OR51B5: variants seen among roughly 807,000 people sequenced by gnomAD.
The protein encoded by OR51B5 is olfactory receptor family 51 subfamily B member 5, also known as olfactory receptor 51B5.
For missense variants in OR51B5, 456 were observed against 374.6 expected (o/e 1.22, Z -1.79); for synonymous variants, 186 against 144.8 (o/e 1.28, Z -2.04).
intron 1 of OR51B5, chr11:5,390,166 T>TG (rs1564797365): frequency 4.8e-5 from 77 of 1,613,806 alleles, no homozygotes; most frequent in Non-Finnish European, 6.4e-5. Context: ...GCACCGCTCC[T>TG]CTCTGTGCTG....
At chr11:5,410,960 T>A (rs1192368237) in intron 1 of OR51B5, among the ~76,000 whole-genome samples, 1 of 151,984 alleles carries the variant, frequency 6.6e-6, no homozygotes, top group East Asian at 1.9e-4. Flanking sequence ...TACAAAACAG[T>A]CAAAAAGTTA....
At chr11:5,409,397 T>A (rs1850108768) in intron 1 of OR51B5, among the ~76,000 whole-genome samples, 1 of 152,072 alleles carries the variant, frequency 6.6e-6, no homozygotes. Flanking sequence ...GTAAATCCAA[T>A]TAGTATTTTT....
chr11:5,470,686 G>A (rs144610890), intron 1 of OR51B5, among the ~76,000 whole-genome samples: 2,771 of 152,126 alleles, frequency 0.018, 48 homozygotes, highest in Admixed American at 0.024. Context: ...ATCTATTCAC[G>A]TGGTCATGCC....
intron 1 of OR51B5, among the ~76,000 whole-genome samples, chr11:5,373,331 A>G (rs181430947): frequency 1.3e-5 from 2 of 152,192 alleles, no homozygotes; most frequent in East Asian, 1.9e-4. Context: ...TTTCACAAAT[A>G]AAGTTCCAGT....
chr11:5,493,774 C>G (rs371945223), intron 1 of OR51B5, among the ~76,000 whole-genome samples: 1 of 152,104 alleles, frequency 6.6e-6, no homozygotes, highest in East Asian at 1.9e-4. Flanking sequence ...CTACCATATA[C>G]TTAACTTTTC....
At chr11:5,501,592 C>A (rs565394861) in intron 1 of OR51B5, among the ~76,000 whole-genome samples, 2 of 147,628 alleles carry the variant, frequency 1.4e-5, no homozygotes, top group South Asian at 4.3e-4. Flanking sequence ...ACACACCAAG[C>A]GCCCAACTTA....
At chr11:5,341,147 G>A (rs1044661253), downstream of OR51B5, 1 of 152,174 alleles carries the variant, frequency 6.6e-6, no homozygotes, top group East Asian at 1.9e-4. Flanking sequence ...ACCTGAGATA[G>A]GGATTCAAAT....
At chr11:5,389,651 C>T (rs767276053) in intron 1 of OR51B5, 4 of 1,613,638 alleles carry the variant, frequency 2.5e-6, no homozygotes, top group Admixed American at 1.7e-5. Context: ...TGACCTGGGG[C>T]TGTGTGTGTC....
At chr11:5,445,809 G>A (rs1338619279) in intron 1 of OR51B5, among the ~76,000 whole-genome samples, 1 of 151,744 alleles carries the variant, frequency 6.6e-6, no homozygotes, top group Non-Finnish European at 1.5e-5. Context: ...AACTATTTAT[G>A]GAGAAGTGTG....
chr11:5,400,760 G>C (rs1300673606), intron 1 of OR51B5, among the ~76,000 whole-genome samples: 2 of 152,196 alleles, frequency 1.3e-5, no homozygotes, highest in South Asian at 2.1e-4. Context: ...GTAGGTCTAG[G>C]ACTCTGTGTT....
intron 1 of OR51B5, among the ~76,000 whole-genome samples, chr11:5,473,418 C>A (rs190458821): frequency 6.6e-6 from 1 of 152,214 alleles, no homozygotes; most frequent in Admixed American, 6.5e-5. Context: ...CTGATATGCA[C>A]AGACAAATTA....
At chr11:5,494,910 G>A (rs1008991117) in intron 1 of OR51B5, among the ~76,000 whole-genome samples, 1 of 152,160 alleles carries the variant, frequency 6.6e-6, no homozygotes, top group Non-Finnish European at 1.5e-5. Context: ...GCTGACCAAA[G>A]GTTCAGGGAC....
At chr11:5,408,811 T>G (rs1201526797) in intron 1 of OR51B5, among the ~76,000 whole-genome samples, 1 of 152,190 alleles carries the variant, frequency 6.6e-6, no homozygotes, top group African/African-American at 2.4e-5. Flanking sequence ...ACAAGATTTA[T>G]GAAGTTATCA....
intron 1 of OR51B5, among the ~76,000 whole-genome samples, chr11:5,484,179 C>T (rs1203842216): frequency 6.6e-6 from 1 of 152,198 alleles, no homozygotes; most frequent in South Asian, 2.1e-4. Flanking sequence ...AGTCAATGAA[C>T]TCACAGCTAA....
intron 1 of OR51B5, among the ~76,000 whole-genome samples, chr11:5,386,952 C>T (rs1017553071): frequency 3.3e-5 from 5 of 151,892 alleles, no homozygotes; most frequent in Admixed American, 6.6e-5. Flanking sequence ...CAATATTAGA[C>T]GTGTTGAGTT....
chr11:5,401,072 T>G (rs1296618574), intron 1 of OR51B5, among the ~76,000 whole-genome samples: 1 of 152,176 alleles, frequency 6.6e-6, no homozygotes, highest in Non-Finnish European at 1.5e-5. Flanking sequence ...GATTCTAATG[T>G]TATAACTGCT....
intron 1 of OR51B5, among the ~76,000 whole-genome samples, chr11:5,401,124 A>G (rs561039705): frequency 5.0e-4 from 76 of 152,312 alleles, no homozygotes; most frequent in African/African-American, 1.7e-3. Flanking sequence ...CAATCCAGGC[A>G]GGTGGTTTTC....
rs1045265763 is a variant in OR51B5 at position 5,499,232 on chromosome 11, C to G, written n.84+6337G>C. Among the ~76,000 whole-genome samples the G allele has an allele frequency of 1.5e-4, 19 of 129,004 alleles. No homozygotes were observed. The Admixed American group carries it at 1.5e-3, about 10-fold the overall frequency. The allele number at this position is 129,004 out of a possible 152,430, so 84.6% of individuals were successfully genotyped here. On this transcript the variant is annotated intron_variant and non_coding_transcript_variant, in intron 1 of 4. Transcript: ENST00000415970. ...GTTTTAATGTGGAGATATGATAGTACAGCCATTCAAAATAGCATTTAAATT... is the reference window on the plus strand; with the variant it reads ...GTTTTAATGTGGAGATATGATAGTAGAGCCATTCAAAATAGCATTTAAATT...
chr11:5,489,162 A>T, intron 1 of OR51B5: 2 of 1,613,862 alleles, frequency 1.2e-6, no homozygotes, highest in Non-Finnish European at 1.7e-6. Context: ...TTGTTGGGCT[A>T]TTCCGTAGTG....
Sources: allele counts gnomAD v4.1 joint callset (sites outside exome capture counted in the v4.1 genomes callset), GRCh38; gene constraint gnomAD v4.1.1; transcripts MANE v1.5; gene names NCBI Gene and HGNC (gene_info 2026-07-23, HGNC 2026-07-21).